MYB: variants seen among roughly 807,000 people sequenced by gnomAD.
MYB encodes transcriptional activator Myb.
Under a neutral mutation model 92.9 loss-of-function variants are expected in MYB, and 28 were observed. The ratio of observed to expected loss-of-function variants is 0.30; its 90% CI spans 0.22 to 0.41. The LOEUF (loss-of-function observed/expected upper bound fraction) is 0.41. Ranked by LOEUF, MYB falls within the 10% of genes least tolerant of loss-of-function variation. The pLI is 1.00. For missense variants in MYB, 679 were observed against 929.3 expected (o/e 0.73, Z 3.50); for synonymous variants, 295 against 329.1 (o/e 0.90, Z 1.12).
At chr6:135,200,625 G>C in intron 13 of MYB, 1 of 674,760 alleles carries the variant, frequency 1.5e-6, no homozygotes, top group Non-Finnish European at 2.7e-6. Flanking sequence ...TCTACTTCAT[G>C]TTTGGACAGA....
At chr6:135,214,493 C>T (rs1310572342) in intron 15 of MYB, among the ~76,000 whole-genome samples, 1 of 152,058 alleles carries the variant, frequency 6.6e-6, no homozygotes, top group Non-Finnish European at 1.5e-5. Context: ...CTATGTGTGT[C>T]TTTATGTAAA....
Position 135,203,260 on chromosome 6 carries a change from A to G in MYB, c.2105A>G (p.Asp702Gly). The G allele has an allele frequency of 6.2e-7, 1 of 1,611,986 alleles. No homozygotes were observed. The highest frequency in any genetic ancestry group is 1.1e-5 in the South Asian group (1 of 90,986). ...SSVLMAPASE[D>G]EDNVLKAFTV... The stretch of plus-strand genomic sequence containing the variant: ...GTTTTAATGGCACCAGCATCAGAAG[A>G]TGAAGACAATGTTCTCAAAGCATTT... Residue 702 changes from aspartate (D) to glycine (G), a missense_variant, in exon 15 of 16, where the codon GAT becomes GGT. Around this residue, in one of 8 missense-constraint regions of MYB, gnomAD observed 402 missense variants for 434.2 expected, o/e 0.93. Coordinates refer to ENST00000341911, the MANE Select transcript of MYB (RefSeq NM_001130173.2).
Position 135,197,224 on chromosome 6 carries a change from C to G in MYB, c.1467C>G (p.Pro489=). Residue 489 remains proline (P), a synonymous_variant, in exon 10 of 16, where the codon CCC becomes CCG. Coordinates refer to ENST00000341911, the MANE Select transcript of MYB (RefSeq NM_001130173.2). Reference sequence around the variant, plus strand: ...GAAAAAAACGGGGCCAGGCCAGCCCCTTAGCCACTGGAGACTGTAGCTCCT... The same window carrying G: ...GAAAAAAACGGGGCCAGGCCAGCCCGTTAGCCACTGGAGACTGTAGCTCCT... The part of the protein sequence containing the change: ...ILRKKRGQAS[P]LATGDCSSFI... 6.2e-7 allele frequency: 1 copy of G among 1,614,002 alleles called. No homozygotes were observed. Among genetic ancestry groups the G allele is most frequent in the Non-Finnish European group, 8.5e-7 (1 of 1,179,884 alleles).
At chr6:135,202,924 T>A (rs1778331913) in intron 14 of MYB, 1 of 620,990 alleles carries the variant, frequency 1.6e-6, no homozygotes, top group Non-Finnish European at 3.0e-6. Context: ...TTGAAAGGCA[T>A]GTATTTATTA....
chr6:135,188,448 A>G (rs977223477), intron 3 of MYB, among the ~76,000 whole-genome samples: 1 of 149,140 alleles, frequency 6.7e-6, no homozygotes, highest in Non-Finnish European at 1.5e-5. Flanking sequence ...CTATCATATA[A>G]CTTCCTAACT....
chr6:135,207,880 A>C (rs1779164971), intron 15 of MYB, among the ~76,000 whole-genome samples: 1 of 150,412 alleles, frequency 6.6e-6, no homozygotes. Context: ...GACTACAGAT[A>C]TCTGCCTGGC....
chr6:135,212,694 T>A (rs1779916093), intron 15 of MYB, among the ~76,000 whole-genome samples: 1 of 152,188 alleles, frequency 6.6e-6, no homozygotes, highest in Non-Finnish European at 1.5e-5. Flanking sequence ...GTGACATGTC[T>A]GCAAGAGCAC....
intron 15 of MYB, among the ~76,000 whole-genome samples, chr6:135,207,584 A>G (rs723388): frequency 0.45 from 67,829 of 152,012 alleles, 15,729 homozygotes; most frequent in African/African-American, 0.59. Context: ...CATGCAATAT[A>G]TATAAATTAT....
intron 15 of MYB, among the ~76,000 whole-genome samples, chr6:135,206,224 A>AAAAT (rs1363711934): frequency 7.0e-6 from 1 of 142,556 alleles, no homozygotes; most frequent in Non-Finnish European, 1.5e-5. Flanking sequence ...AAAAAAAAAA[A>AAAAT]AAATAATAAT....
At chr6:135,211,836 C>A (rs1170461991) in intron 15 of MYB, among the ~76,000 whole-genome samples, 2 of 152,132 alleles carry the variant, frequency 1.3e-5, no homozygotes, top group Non-Finnish European at 2.9e-5. Flanking sequence ...AGATTATTTT[C>A]TATAGAAAAT....
chr6:135,206,995 A>G (rs1349549714), intron 15 of MYB, among the ~76,000 whole-genome samples: 1 of 152,198 alleles, frequency 6.6e-6, no homozygotes, highest in African/African-American at 2.4e-5. Context: ...ATCCTGATTC[A>G]ATAATATTTC....
chr6:135,207,941 G>A (rs1779172938), intron 15 of MYB, among the ~76,000 whole-genome samples: 1 of 151,730 alleles, frequency 6.6e-6, no homozygotes, highest in Admixed American at 6.6e-5. Flanking sequence ...TGGCTAGGCT[G>A]GTCTCGAACT....
rs779510154 is a variant in MYB at position 135,200,270 on chromosome 6, A to G, written c.1825-20A>G. On this transcript the variant is annotated intron_variant, in intron 12 of 15. Coordinates refer to ENST00000341911, the MANE Select transcript of MYB (RefSeq NM_001130173.2). ...ATTAGGAGTTCTCTCTGATGCAAAA[A>G]TACCCACTCTTCCGTTTAGCCTCAG... 5 of 1,613,964 alleles carry G rather than the reference A, an allele frequency of 3.1e-6. No homozygotes were observed. The South Asian group carries it at 4.4e-5, about 14-fold the overall frequency.
chr6:135,198,103 T>G (rs942682736), intron 10 of MYB, among the ~76,000 whole-genome samples: 1 of 152,222 alleles, frequency 6.6e-6, no homozygotes, highest in African/African-American at 2.4e-5. Context: ...TTAGGTATGA[T>G]ATAGGTATAT....
At chr6:135,192,587 TGAGA>T in intron 6 of MYB, 29 bp downstream of exon 6, 1 of 1,593,536 alleles carries the variant, frequency 6.3e-7, no homozygotes, top group Non-Finnish European at 8.6e-7. Flanking sequence ...TCTAGTTTAA[TGAGA>T]GAGACGGTTA....
rs1583319617 is a variant in MYB, at chr6:135,198,855, G to T, written c.1567-53G>T. 1.6e-5 allele frequency: 23 copies of T among 1,425,286 alleles called. No individual in the cohort carries two copies. The East Asian group carries it at 5.0e-4, about 31-fold the overall frequency. 88.3% of individuals were successfully genotyped at this position (1,425,286 alleles called of 1,614,324 possible). A position where few individuals can be genotyped will look rare whatever the true frequency, so the allele number is the denominator to read the frequency against. ...CTAGGTGTGATTTTTAAATTGGGGA[G>T]AATAAAGAATTACCATCTAATCTAA... On this transcript the variant is annotated intron_variant, in intron 10 of 15. Transcript: ENST00000341911.
chr6:135,199,722 TGTA>T (rs1777804229), intron 11 of MYB: 1 of 273,450 alleles, frequency 3.7e-6, no homozygotes, highest in South Asian at 7.1e-5. Flanking sequence ...TAACATGTTT[TGTA>T]GTATGGGCTC....
chr6:135,214,188 G>A (rs570247276), intron 15 of MYB, among the ~76,000 whole-genome samples: 2 of 151,732 alleles, frequency 1.3e-5, no homozygotes, highest in Non-Finnish European at 2.9e-5. Context: ...AGGCTGAGGC[G>A]GGAGGCTTGC....
intron 1 of MYB, among the ~76,000 whole-genome samples, chr6:135,184,322 CTTTTTTT>C: frequency 2.0e-4 from 14 of 68,418 alleles, no homozygotes; most frequent in South Asian, 1.2e-3. Flanking sequence ...GGCTTTATAG[CTTTTTTT>C]TTTTTTTTTT....
Sources: gnomAD v4.1 joint callset for allele counts (sites outside exome capture counted in the v4.1 genomes callset) on GRCh38, gnomAD v4.1.1 for gene constraint, gnomAD v4.1.1 regional missense constraint, MANE v1.5 for transcripts, NCBI Gene and HGNC (gene_info 2026-07-23, HGNC 2026-07-21) for gene names.